Variants in DAO observed in about 807,000 individuals in gnomAD.
DAO encodes D-amino acid oxidase, also known as D-amino-acid oxidase.
Under a neutral mutation model 50.1 loss-of-function variants are expected in DAO, and 51 were observed. The ratio of observed to expected loss-of-function variants is 1.02; its 90% CI spans 0.81 to 1.29. The LOEUF (loss-of-function observed/expected upper bound fraction) is 1.29, where lower values mean the gene tolerates loss of function less well. Ranked by LOEUF, DAO falls within the 50% of genes most tolerant of loss-of-function variation. The pLI is 0.00. For synonymous variants in DAO, 160 were observed against 166.2 expected (o/e 0.96, Z 0.29); for missense variants, 436 against 439.4 (o/e 0.99, Z 0.07).
chr12:108,894,200 G>T, intron 6 of DAO, 63 bp from the exon 7 acceptor site: 2 of 1,248,152 alleles, frequency 1.6e-6, no homozygotes, highest in Non-Finnish European at 2.3e-6. Context: ...GGGGAAGAGA[G>T]AACAGGGAAT....
intron 7 of DAO, among the ~76,000 whole-genome samples, chr12:108,895,229 CTGTGTGTGTGCATATGAGGGTA>C (rs2039534540): frequency 7.2e-6 from 1 of 139,740 alleles, no homozygotes; most frequent in South Asian, 2.1e-4. Context: ...CCTCCTCTTG[CTGTGTGTGTGCATATGAGGGTA>C]TGTGTGTGTG....
intron 7 of DAO, among the ~76,000 whole-genome samples, chr12:108,895,763 GTGTC>G (rs1182043153): frequency 6.8e-6 from 1 of 147,358 alleles, no homozygotes; most frequent in Non-Finnish European, 1.5e-5. Context: ...GTGAGGGTGT[GTGTC>G]TGAGGGTGTG....
chr12:108,899,731 G>C (rs1367495235), intron 10 of DAO: 1 of 526,696 alleles, frequency 1.9e-6, no homozygotes, highest in Non-Finnish European at 3.5e-6. Context: ...GTTGATAATG[G>C]TGTGACTGGG....
chr12:108,881,110 G>T (rs548569364), intron 1 of DAO, among the ~76,000 whole-genome samples: 7 of 151,524 alleles, frequency 4.6e-5, no homozygotes, highest in African/African-American at 1.7e-4. Flanking sequence ...AAGTGGCAGA[G>T]ACCAAAATAC....
chr12:108,894,158 T>C (rs775677334), intron 6 of DAO, 105 bp from the exon 7 acceptor site: 31 of 878,770 alleles, frequency 3.5e-5, no homozygotes, highest in Non-Finnish European at 5.7e-5. Context: ...CCACTGTTCA[T>C]CAGGGAGTAG....
intron 1 of DAO, chr12:108,883,684 G>C (rs2039404481): frequency 2.2e-6 from 1 of 456,350 alleles, no homozygotes; most frequent in South Asian, 1.5e-5. Flanking sequence ...AGAGGGAAGA[G>C]AGAAGACCAA....
chr12:108,898,816 C>T lies in DAO; in HGVS notation c.813+20C>T. The T allele has an allele frequency of 6.4e-7, 1 of 1,563,774 alleles. No individual in the cohort carries two copies. The highest frequency in any genetic ancestry group is 8.8e-7 in the Non-Finnish European group (1 of 1,134,402). On this transcript the variant is annotated intron_variant, in intron 9 of 10. Transcript: ENST00000228476. Reference sequence around the variant, plus strand: ...CTGAAGGTAAGGTAGGGAGGAGTAGCAGTGCCCTAAACCAAGGTCGTGGGA... The same window carrying T: ...CTGAAGGTAAGGTAGGGAGGAGTAGTAGTGCCCTAAACCAAGGTCGTGGGA...
intron 6 of DAO, among the ~76,000 whole-genome samples, chr12:108,893,936 C>T (rs1418728266): frequency 6.6e-6 from 1 of 152,120 alleles, no homozygotes; most frequent in Non-Finnish European, 1.5e-5. Flanking sequence ...AGGAAGATTT[C>T]CCCCATCCAA....
chr12:108,884,565 A>G lies in DAO; in HGVS notation c.-9-433A>G, dbSNP rs371507550. On this transcript the variant is annotated intron_variant, in intron 1 of 10. Coordinates refer to ENST00000228476, the MANE Select transcript of DAO (RefSeq NM_001917.5). Reference sequence around the variant, plus strand: ...CAATTTCCCATCCATCCCCTCAAGCATAGGTTATTAGAGGTTGAAGCATCT... The same window carrying G: ...CAATTTCCCATCCATCCCCTCAAGCGTAGGTTATTAGAGGTTGAAGCATCT... 2.6e-5 allele frequency among the ~76,000 whole-genome samples: 4 copies of G among 152,172 alleles called. No individual in the cohort carries two copies. The East Asian group carries it at 5.8e-4, about 22-fold the overall frequency.
Position 108,893,117 on chromosome 12 carries a change from C to T in DAO, c.507+81C>T, listed in dbSNP as rs1314553742. On this transcript the variant is annotated intron_variant, in intron 6 of 10. Coordinates refer to ENST00000228476, the MANE Select transcript of DAO (RefSeq NM_001917.5). The stretch of plus-strand genomic sequence containing the variant: ...CTTCTTGCTGCTGAGTCGGGGGCTC[C>T]CTTCTCAGGCTCCTAGGGTCCCCAC... 8 of 1,303,506 alleles carry T rather than the reference C, an allele frequency of 6.1e-6. No individual in the cohort carries two copies. In the East Asian group the frequency reaches 1.9e-4, roughly 31 times the overall value. The allele number at this position is 1,303,506 out of a possible 1,614,324, so 80.7% of individuals were successfully genotyped here.
intron 1 of DAO, among the ~76,000 whole-genome samples, chr12:108,884,069 T>C (rs1167077463): frequency 6.6e-6 from 1 of 152,218 alleles, no homozygotes; most frequent in Non-Finnish European, 1.5e-5. Flanking sequence ...CTTAAGTAGC[T>C]TCAAGGTTAA....
Position 108,885,214 on chromosome 12 carries a change from A to T in DAO, c.194+14A>T, listed in dbSNP as rs1566034873. 16 of 1,609,988 alleles carry T rather than the reference A, an allele frequency of 9.9e-6. No homozygotes were observed. Among genetic ancestry groups the T allele is most frequent in the Non-Finnish European group, 1.4e-5 (16 of 1,179,456 alleles). Reference sequence around the variant, plus strand: ...CCCACAGGAGGCGTGAGTGAGGGTCACATAGGGTAGCCTGGGGTGCCCATG... The same window carrying T: ...CCCACAGGAGGCGTGAGTGAGGGTCTCATAGGGTAGCCTGGGGTGCCCATG... On this transcript the variant is annotated intron_variant, in intron 2 of 10. Coordinates refer to ENST00000228476, the MANE Select transcript of DAO (RefSeq NM_001917.5).
At chr12:108,891,032 A>G (rs1257456118) in intron 5 of DAO, among the ~76,000 whole-genome samples, 2 of 152,196 alleles carry the variant, frequency 1.3e-5, no homozygotes, top group Non-Finnish European at 2.9e-5. Context: ...CATGTTAGCC[A>G]GGATGGTCTC....
chr12:108,881,661 A>G (rs2039383298), intron 1 of DAO, among the ~76,000 whole-genome samples: 1 of 138,848 alleles, frequency 7.2e-6, no homozygotes. Context: ...CTGGAGTGCA[A>G]TGGCATGATT....
intron 3 of DAO, among the ~76,000 whole-genome samples, chr12:108,889,134 C>T (rs2039463193): frequency 6.7e-6 from 1 of 149,262 alleles, no homozygotes. Context: ...GAGATGAAGT[C>T]TCGCTCTGTG....
chr12:108,883,770 A>G, intron 1 of DAO: 1 of 395,948 alleles, frequency 2.5e-6, no homozygotes, highest in South Asian at 1.8e-5. Context: ...AATTGCCTAG[A>G]GGAACGATAC....
chr12:108,900,574 C>T lies in DAO; in HGVS notation c.*39C>T, dbSNP rs2039612183. ...TGCTGCCTCCCCCCACAAGAACTCC[C>T]TTCTCCCCTCAGCCAATGAATCAAT... On this transcript the variant is annotated 3_prime_UTR_variant, in exon 11 of 11. Transcript: ENST00000228476. 3 of 1,611,430 alleles carry T rather than the reference C, an allele frequency of 1.9e-6. No homozygotes were observed. The highest frequency in any genetic ancestry group is 2.7e-5 in the African/African-American group (2 of 74,902).
chr12:108,899,301 G>C, intron 9 of DAO, 76 bp from the exon 10 acceptor site: 1 of 1,011,126 alleles, frequency 9.9e-7, no homozygotes, highest in Non-Finnish European at 1.5e-6. Flanking sequence ...GATTCTAAAA[G>C]CTAACTCCCT....
chr12:108,900,132 C>T (rs531283275), intron 10 of DAO: 11 of 432,362 alleles, frequency 2.5e-5, no homozygotes, highest in African/African-American at 2.0e-4. Context: ...TTGCCCAAGT[C>T]AGACCACTGG....
Sources: allele counts gnomAD v4.1 joint callset (sites outside exome capture counted in the v4.1 genomes callset), GRCh38; gene constraint gnomAD v4.1.1; transcripts MANE v1.5; gene names NCBI Gene and HGNC (gene_info 2026-07-23, HGNC 2026-07-21).